The following TCF20 variants were observed in gnomAD, a reference collection of about 807,000 sequenced individuals.
The protein encoded by TCF20 is transcription factor 20, also known as SPRE-binding protein.
Under a neutral mutation model 148.6 loss-of-function variants are expected in TCF20, and 3 were observed. That is an observed-to-expected ratio of 0.02 (90% CI 0.01 to 0.05). The LOEUF (loss-of-function observed/expected upper bound fraction) is 0.05. Ranked by LOEUF, TCF20 falls within the 10% of genes least tolerant of loss-of-function variation. The pLI, the probability that TCF20 is intolerant of heterozygous loss-of-function variation, is 1.00. For synonymous variants in TCF20, 1,049 were observed against 909.5 expected (o/e 1.15, Z -2.76); for missense variants, 2,350 against 2,429.3 (o/e 0.97, Z 0.69).
At chr22:42,204,301 C>T (rs922498021) in intron 2 of TCF20, among the ~76,000 whole-genome samples, 7 of 152,170 alleles carry the variant, frequency 4.6e-5, no homozygotes, top group African/African-American at 1.7e-4. Context: ...TCAAGGCCAG[C>T]TTGGCCAACA....
chr22:42,202,704 C>A (rs747198196), intron 2 of TCF20, among the ~76,000 whole-genome samples: 10 of 152,312 alleles, frequency 6.6e-5, no homozygotes, highest in Non-Finnish European at 8.8e-5. Context: ...GGAGGAGGAA[C>A]CTCCATTTTC....
chr22:42,204,742 G>A (rs1938274410), intron 2 of TCF20, among the ~76,000 whole-genome samples: 1 of 152,124 alleles, frequency 6.6e-6, no homozygotes, highest in African/African-American at 2.4e-5. Context: ...TTACTTGGGA[G>A]GCTGAGGCAG....
intron 1 of TCF20, among the ~76,000 whole-genome samples, chr22:42,252,367 T>A (rs1925448892): frequency 6.6e-6 from 1 of 151,956 alleles, no homozygotes; most frequent in African/African-American, 2.4e-5. Context: ...ATTCAAGAAG[T>A]CTTTGGGAGA....
intron 1 of TCF20, among the ~76,000 whole-genome samples, chr22:42,243,796 A>G (rs1419191626): frequency 1.3e-5 from 2 of 152,198 alleles, no homozygotes; most frequent in Admixed American, 6.5e-5. Context: ...AAACTGCTCT[A>G]AGCAATAAAG....
chr22:42,273,128 G>GGT (rs1555952783), upstream of TCF20, among the ~76,000 whole-genome samples: 8 of 101,472 alleles, frequency 7.9e-5, no homozygotes, highest in Non-Finnish European at 1.4e-4. Context: ...GGGAGGCCAA[G>GGT]GGGGGTGTAT....
intron 1 of TCF20, among the ~76,000 whole-genome samples, chr22:42,258,298 G>T (rs1925851204): frequency 6.6e-6 from 1 of 150,726 alleles, no homozygotes; most frequent in African/African-American, 2.5e-5. Context: ...GATCTTCAGT[G>T]CGCAAAGAGT....
intron 1 of TCF20, among the ~76,000 whole-genome samples, chr22:42,236,077 C>T (rs889688034): frequency 1.3e-5 from 2 of 151,870 alleles, no homozygotes; most frequent in African/African-American, 4.8e-5. Context: ...ACCTGTAATC[C>T]GAGAATCACT....
At chr22:42,240,937 C>A (rs949446154) in intron 1 of TCF20, among the ~76,000 whole-genome samples, 1 of 152,078 alleles carries the variant, frequency 6.6e-6, no homozygotes, top group Admixed American at 6.6e-5. Flanking sequence ...TTCACTGCGA[C>A]CTCCGCCTCC....
At chr22:42,315,540 TCTACCTCTGGG>T (rs1461268770) in intron 1 of TCF20, among the ~76,000 whole-genome samples, 1 of 152,224 alleles carries the variant, frequency 6.6e-6, no homozygotes, top group Non-Finnish European at 1.5e-5. Flanking sequence ...TTTCACTGGT[TCTACCTCTGGG>T]CAAAGTCCTG....
chr22:42,260,453 G>T (rs1476619401), intron 1 of TCF20, among the ~76,000 whole-genome samples: 5 of 152,122 alleles, frequency 3.3e-5, no homozygotes, highest in African/African-American at 1.2e-4. Flanking sequence ...GCAAAAATAG[G>T]GGGTAGGAAA....
At chr22:42,264,464 T>C (rs906889143) in intron 1 of TCF20, among the ~76,000 whole-genome samples, 3 of 152,214 alleles carry the variant, frequency 2.0e-5, no homozygotes, top group Non-Finnish European at 2.9e-5. Flanking sequence ...TTAAGCTCTT[T>C]TGAGCCAGGT....
In TCF20 at chr22:42,292,956, A is replaced by G. The variant is rs1927159929; in HGVS notation, c.-37+50523T>C. Among the ~76,000 whole-genome samples, 1 of 150,134 alleles carries G rather than the reference A, an allele frequency of 6.7e-6. No individual in the cohort carries two copies. The highest frequency in any genetic ancestry group is 6.6e-5 in the Admixed American group (1 of 15,042). ...TGCCCACCAGGAGTGGCGGGGTTTG[A>G]ATTTCAGGAGCTGGGCCTCATAGGC... On this transcript the variant is annotated intron_variant, in intron 1 of 1. Coordinates refer to the TCF20 transcript ENST00000515426. This position sits in a 1 kb window ranked among gnomAD's most constrained non-coding sequence, Gnocchi z 4.9.
At position 42,219,785 on chromosome 22, in the gene TCF20, G is replaced by C. The variant is rs368544689; in HGVS notation, c.-36-4444C>G. On this transcript the variant is annotated intron_variant, in intron 1 of 5. Transcript: ENST00000677622. ...GCAGGAGGATCGCCTGAGCCTCGGA[G>C]GCAGAGGTTGCAGTGAGCAGAGATC... 4.6e-5 allele frequency among the ~76,000 whole-genome samples: 7 copies of C among 152,282 alleles called. No individual in the cohort carries two copies. In the South Asian group the frequency reaches 6.2e-4, roughly 14 times the overall value.
At chr22:42,248,064 A>C (rs903740285) in intron 1 of TCF20, among the ~76,000 whole-genome samples, 1 of 152,198 alleles carries the variant, frequency 6.6e-6, no homozygotes, top group East Asian at 1.9e-4. Context: ...TGGAGTAGGC[A>C]AAGTTTCCAT....
At chr22:42,240,329 A>G (rs1027247708) in intron 1 of TCF20, among the ~76,000 whole-genome samples, 3 of 152,202 alleles carry the variant, frequency 2.0e-5, no homozygotes, top group Non-Finnish European at 4.4e-5. Context: ...TTACCCAAAC[A>G]ATTCAGGCAT....
chr22:42,182,143 A>G (rs886971834), intron 2 of TCF20, among the ~76,000 whole-genome samples: 1 of 152,182 alleles, frequency 6.6e-6, no homozygotes, highest in Non-Finnish European at 1.5e-5. Flanking sequence ...TTGTTACAGG[A>G]AACTTGGGTG....
chr22:42,295,442 C>A (rs201079728), intron 1 of TCF20, among the ~76,000 whole-genome samples: 1 of 134,636 alleles, frequency 7.4e-6, no homozygotes, highest in Admixed American at 7.4e-5. Context: ...GTTTTCTTTT[C>A]TTTTTTTTTT....
chr22:42,281,489 G>T (rs1926901373), intron 1 of TCF20, among the ~76,000 whole-genome samples: 1 of 152,106 alleles, frequency 6.6e-6, no homozygotes, highest in African/African-American at 2.4e-5. Flanking sequence ...CCTTCCAACG[G>T]CTTCAGCCAC....
chr22:42,251,489 T>G (rs1925360229), intron 1 of TCF20, among the ~76,000 whole-genome samples: 3 of 129,804 alleles, frequency 2.3e-5, no homozygotes, highest in Admixed American at 8.5e-5. Flanking sequence ...GCCAAACAAG[T>G]GTCTTTTTTT....
Sources: gnomAD v4.1 joint callset for allele counts (sites outside exome capture counted in the v4.1 genomes callset) on GRCh38, gnomAD v4.1.1 for gene constraint, Gnocchi (gnomAD v3.1) non-coding constraint, MANE v1.5 for transcripts, NCBI Gene and HGNC (gene_info 2026-07-23, HGNC 2026-07-21) for gene names.